The following HOXC4 variants were observed in gnomAD, a reference collection of about 807,000 sequenced individuals.
The protein encoded by HOXC4 is homeobox protein Hox-C4.
A neutral mutation model predicts 25.5 loss-of-function variants in HOXC4; 15 were observed. The ratio of observed to expected loss-of-function variants is 0.59; its 90% CI spans 0.39 to 0.91. The LOEUF (loss-of-function observed/expected upper bound fraction) is 0.91. HOXC4 is among the 40% of genes least tolerant of loss of function. The probability of loss-of-function intolerance (pLI) is 0.00; values close to 1 mark genes in which losing one functional copy is unlikely to be tolerated. For synonymous variants in HOXC4, 165 were observed against 148.0 expected, an observed-to-expected ratio of 1.11 and a Z score of -0.83; for missense variants, 342 against 352.4, an observed-to-expected ratio of 0.97 and a Z score of 0.24.
rs755113408 is a variant in HOXC4 at position 54,055,034 on chromosome 12, C to T, written c.624C>T (p.Arg208=). The part of the protein sequence containing the change: ...RQIKIWFQNR[R]MKWKKDHRLP... Reference sequence around the variant, plus strand: ...TCAAAATCTGGTTCCAAAACCGTCGCATGAAATGGAAGAAGGACCACCGAC... The same window carrying T: ...TCAAAATCTGGTTCCAAAACCGTCGTATGAAATGGAAGAAGGACCACCGAC... The change falls in exon 2 of 2, where the codon CGC becomes CGT. Residue 208 remains arginine, a synonymous_variant. Coordinates refer to ENST00000430889, the MANE Select transcript of HOXC4 (RefSeq NM_153633.3). The T allele has an allele frequency of 2.5e-6, 4 of 1,613,868 alleles. No homozygotes were observed. The highest frequency in any genetic ancestry group is 3.4e-6 in the Non-Finnish European group (4 of 1,179,968).
At chr12:54,041,563 T>C (rs757160585) in intron 1 of HOXC4, among the ~76,000 whole-genome samples, 7 of 152,182 alleles carry the variant, frequency 4.6e-5, no homozygotes, top group Non-Finnish European at 8.8e-5. Context: ...GGAGCTGGTT[T>C]GGGGACAATG....
At chr12:54,051,592 A>C (rs1937847337), upstream of HOXC4, among the ~76,000 whole-genome samples, 1 of 152,204 alleles carries the variant, frequency 6.6e-6, no homozygotes, top group Non-Finnish European at 1.5e-5. Context: ...GAATTTGGGA[A>C]TCTCCATTAG....
At chr12:54,023,792 C>G (rs736825) in intron 1 of HOXC4, among the ~76,000 whole-genome samples, 53,411 of 151,960 alleles carry the variant, frequency 0.35, 9,805 homozygotes, top group East Asian at 0.64. Context: ...GTGTGTGTAG[C>G]GGGGGCAGGT....
chr12:54,029,958 A>T, intron 1 of HOXC4: 1 of 1,569,308 alleles, frequency 6.4e-7, no homozygotes, highest in South Asian at 1.2e-5. Flanking sequence ...AAGCAGAAAG[A>T]GTGACCAGGA....
intron 1 of HOXC4, chr12:54,029,671 G>A: frequency 1.9e-6 from 3 of 1,613,278 alleles, no homozygotes; most frequent in Non-Finnish European, 2.5e-6. Context: ...GCTACGGAGC[G>A]GACCGGAGGC....
intron 1 of HOXC4, chr12:54,033,817 A>T (rs1415760737): frequency 1.8e-6 from 1 of 563,732 alleles, no homozygotes; most frequent in Non-Finnish European, 3.2e-6. Context: ...AGAGGGAGGG[A>T]GTTAAAAAAA....
intron 1 of HOXC4, among the ~76,000 whole-genome samples, chr12:54,035,959 C>T (rs1370705805): frequency 1.3e-5 from 2 of 152,132 alleles, no homozygotes; most frequent in East Asian, 3.9e-4. Context: ...ATCAGCCTGG[C>T]AGGAAATGTT....
At chr12:54,032,478 G>T (rs1941022899) in intron 1 of HOXC4, among the ~76,000 whole-genome samples, 1 of 152,214 alleles carries the variant, frequency 6.6e-6, no homozygotes, top group African/African-American at 2.4e-5. Flanking sequence ...TCTCCAGCCT[G>T]GGCATAGGCC....
chr12:54,049,062 A>C (rs1937784308), upstream of HOXC4, among the ~76,000 whole-genome samples: 1 of 152,246 alleles, frequency 6.6e-6, no homozygotes. Flanking sequence ...GATATCATCC[A>C]GCAGTCTTGA....
At chr12:54,040,847 G>A (rs895020812) in intron 1 of HOXC4, among the ~76,000 whole-genome samples, 4 of 152,186 alleles carry the variant, frequency 2.6e-5, no homozygotes, top group African/African-American at 7.2e-5. Context: ...TTATCAGACT[G>A]CCTCAGGCAT....
rs941810838 is a variant in HOXC4 at position 54,054,251 on chromosome 12, C to A, written c.329C>A (p.Pro110Gln). The change falls in exon 1 of 2, where the codon CCG becomes CAG. Residue 110 changes from proline (P) to glutamine (Q), a missense_variant. Transcript: ENST00000430889. Reference protein sequence around the residue: ...PAPLSGASASPSPAPPACSQP... With the variant: ...PAPLSGASASQSPAPPACSQP... ...CCTCTCTCAGGCGCCTCCGCCTCCCCGTCCCCAGCCCCGCCAGCCTGCAGC... is the reference window on the plus strand; with the variant it reads ...CCTCTCTCAGGCGCCTCCGCCTCCCAGTCCCCAGCCCCGCCAGCCTGCAGC... 1.2e-6 allele frequency: 2 copies of A among 1,610,744 alleles called. No homozygotes were observed. Among genetic ancestry groups the A allele is most frequent in the Non-Finnish European group, 1.7e-6 (2 of 1,178,550 alleles).
At chr12:54,019,292 C>T (rs1940316475) in intron 1 of HOXC4, among the ~76,000 whole-genome samples, 1 of 151,876 alleles carries the variant, frequency 6.6e-6, no homozygotes, top group Non-Finnish European at 1.5e-5. Flanking sequence ...ATGGGCCCAG[C>T]CCGCCGCCTG....
At chr12:54,023,460 T>G (rs569816758) in intron 1 of HOXC4, among the ~76,000 whole-genome samples, 1 of 152,256 alleles carries the variant, frequency 6.6e-6, no homozygotes, top group East Asian at 1.9e-4. Flanking sequence ...AGCCCTTCCA[T>G]ATACCTTTCT....
At chr12:54,034,658 C>T (rs1282794810) in intron 1 of HOXC4, 3 of 618,826 alleles carry the variant, frequency 4.8e-6, no homozygotes, top group African/African-American at 1.8e-5. Context: ...CGCATCCCTA[C>T]CGACCCAGGG....
upstream of HOXC4, chr12:54,053,774 T>G: frequency 5.6e-6 from 3 of 534,638 alleles, no homozygotes; most frequent in Admixed American, 3.3e-5. Flanking sequence ...AGCGATTCGG[T>G]TCCTTATCCG....
chr12:54,041,255 G>T (rs937288953), intron 1 of HOXC4, among the ~76,000 whole-genome samples: 3 of 152,212 alleles, frequency 2.0e-5, no homozygotes, highest in Admixed American at 1.3e-4. Context: ...AAATGCTTGT[G>T]TTTCCTGAAC....
At chr12:54,035,055 G>A (rs1340689083) in intron 1 of HOXC4, 1 of 158,434 alleles carries the variant, frequency 6.3e-6, no homozygotes, top group Non-Finnish European at 1.4e-5. Context: ...GGCCCCCACA[G>A]TTGCTCTATG....
At chr12:54,038,970 T>C (rs1941229589) in intron 1 of HOXC4, among the ~76,000 whole-genome samples, 2 of 152,038 alleles carry the variant, frequency 1.3e-5, no homozygotes, top group Non-Finnish European at 2.9e-5. Context: ...AGCAGAAGCG[T>C]TGGGCATGAG....
chr12:54,033,855 G>A (rs994956780), intron 1 of HOXC4: 3 of 522,332 alleles, frequency 5.7e-6, no homozygotes, highest in Non-Finnish European at 1.1e-5. Context: ...TGAGGAGCGC[G>A]GGGCTCCAGA....
Sources: allele counts gnomAD v4.1 joint callset (sites outside exome capture counted in the v4.1 genomes callset), GRCh38; gene constraint gnomAD v4.1.1; transcripts MANE v1.5; gene names NCBI Gene and HGNC (gene_info 2026-07-23, HGNC 2026-07-21).